Variants in SLC8A2 observed in about 807,000 individuals in gnomAD.
The protein encoded by SLC8A2 is solute carrier family 8 member A2, also known as sodium/calcium exchanger 2.
A neutral mutation model predicts 70.2 loss-of-function variants in SLC8A2; 14 were observed. That is an observed-to-expected ratio of 0.20 (90% confidence interval 0.13 to 0.31). The LOEUF (loss-of-function observed/expected upper bound fraction) is 0.31. Ranked by LOEUF, SLC8A2 falls within the 10% of genes least tolerant of loss-of-function variation. The probability of loss-of-function intolerance (pLI) is 1.00; values close to 1 mark genes in which losing one functional copy is unlikely to be tolerated. For missense variants in SLC8A2, 779 were observed against 1,320.1 expected (o/e 0.59, Z 6.35); for synonymous variants, 575 against 594.3 (o/e 0.97, Z 0.47).
At chr19:47,438,100 C>A in intron 6 of SLC8A2, 127 bp from the exon 7 acceptor site, 3 of 1,156,974 alleles carry the variant, frequency 2.6e-6, no homozygotes, top group Admixed American at 4.4e-5. Flanking sequence ...TCCTTGGTGA[C>A]TCCTCCCAGC....
At chr19:47,459,717 GTGTGTACGTC>G (rs1568446825) in intron 2 of SLC8A2, among the ~76,000 whole-genome samples, 1 of 148,318 alleles carries the variant, frequency 6.7e-6, no homozygotes, top group Non-Finnish European at 1.5e-5. Context: ...GTGCGCGCAT[GTGTGTACGTC>G]TGTGTGTGTA....
chr19:47,463,257 C>T (rs566821399), intron 2 of SLC8A2, among the ~76,000 whole-genome samples: 2 of 151,620 alleles, frequency 1.3e-5, no homozygotes, highest in African/African-American at 4.8e-5. Flanking sequence ...CTCAGCCTCC[C>T]GAGTAGCTGG....
rs149954537 is a variant in SLC8A2 at position 47,438,582 on chromosome 19, T to C, written c.1886-609A>G. 2.6e-4 allele frequency among the ~76,000 whole-genome samples: 40 copies of C among 152,018 alleles called. No individual in the cohort carries two copies. In the East Asian group the frequency reaches 7.8e-3, roughly 30 times the overall value. On this transcript the variant is annotated intron_variant, in intron 6 of 9. Coordinates refer to ENST00000236877, the MANE Select transcript of SLC8A2 (RefSeq NM_015063.3). ...CCTGAGCTCGCTTCTCTCCCCAAAG[T>C]ATGCTGACCCCTGACTCCAAGCCCA...
intron 4 of SLC8A2, among the ~76,000 whole-genome samples, chr19:47,442,864 G>A (rs1055815820): frequency 1.3e-5 from 2 of 151,888 alleles, no homozygotes; most frequent in African/African-American, 2.4e-5. Context: ...TTTATTTTTT[G>A]TAGAGATGGG....
At chr19:47,434,530 G>A (rs1967002234) in intron 8 of SLC8A2, among the ~76,000 whole-genome samples, 1 of 152,184 alleles carries the variant, frequency 6.6e-6, no homozygotes, top group Non-Finnish European at 1.5e-5. Flanking sequence ...GTTGGTTCAT[G>A]TAAAGTGCTG....
intron 9 of SLC8A2, among the ~76,000 whole-genome samples, chr19:47,431,657 CAAAA>C (rs774813485): frequency 4.2e-5 from 2 of 47,280 alleles, no homozygotes; most frequent in Non-Finnish European, 6.3e-5. Context: ...GTCCCCACAC[CAAAA>C]AAAAAAAAAA....
chr19:47,459,905 C>G (rs968218840), intron 2 of SLC8A2, among the ~76,000 whole-genome samples: 1 of 152,086 alleles, frequency 6.6e-6, no homozygotes, highest in Admixed American at 6.5e-5. Context: ...GCCAGGAACC[C>G]GGACATCCTC....
At chr19:47,462,814 A>G (rs1162671996) in intron 2 of SLC8A2, among the ~76,000 whole-genome samples, 1 of 150,806 alleles carries the variant, frequency 6.6e-6, no homozygotes, top group Non-Finnish European at 1.5e-5. Flanking sequence ...TTTCGAACTC[A>G]TGACCTCAGG....
chr19:47,469,119 CGTGTGTGTGTGTGT>C (rs10670696), intron 1 of SLC8A2, among the ~76,000 whole-genome samples: 2 of 143,162 alleles, frequency 1.4e-5, no homozygotes, highest in Admixed American at 7.0e-5. Context: ...TGCCTGTGTG[CGTGTGTGTGTGTGT>C]GTGTGTGTGT....
chr19:47,461,368 G>A (rs1347244720), intron 2 of SLC8A2, among the ~76,000 whole-genome samples: 1 of 151,940 alleles, frequency 6.6e-6, no homozygotes, highest in African/African-American at 2.4e-5. Flanking sequence ...AATCAGCCAG[G>A]TGTGGTGGCG....
chr19:47,456,612 G>C (rs1199191839), intron 3 of SLC8A2, among the ~76,000 whole-genome samples: 10 of 152,242 alleles, frequency 6.6e-5, no homozygotes. Context: ...GTTGCAGTGA[G>C]CGGAGATCTT....
intron 4 of SLC8A2, among the ~76,000 whole-genome samples, chr19:47,441,867 G>A (rs1967103779): frequency 6.6e-6 from 1 of 152,222 alleles, no homozygotes; most frequent in Non-Finnish European, 1.5e-5. Flanking sequence ...ACTTTGGGAG[G>A]CCGAGGCGGG....
At chr19:47,450,422 C>G (rs908385610) in intron 3 of SLC8A2, among the ~76,000 whole-genome samples, 1 of 152,018 alleles carries the variant, frequency 6.6e-6, no homozygotes, top group Non-Finnish European at 1.5e-5. Context: ...ACTCTGGAGG[C>G]TGAGGCATGA....
intron 2 of SLC8A2, among the ~76,000 whole-genome samples, chr19:47,457,944 C>T (rs1158606540): frequency 6.6e-6 from 1 of 151,546 alleles, no homozygotes; most frequent in African/African-American, 2.4e-5. Context: ...TCCCGGGTCC[C>T]GGTTCAAGCA....
At position 47,432,441 on chromosome 19, in the gene SLC8A2, G is replaced by A. The variant is rs749093754; in HGVS notation, c.2115C>T (p.Asp705=). 3.5e-5 allele frequency: 56 copies of A among 1,589,126 alleles called. No individual in the cohort carries two copies. Among genetic ancestry groups the A allele is most frequent in the Admixed American group, 5.1e-5 (3 of 58,776 alleles). ...GGGACCCGTCCTCCTCCTCCTCCTC[G>A]TCCCCTGTGGGCACACGACCCAGCT... is the stretch of plus-strand genomic sequence containing the variant. ...FLEAITVSAG[D]EEEEEDGSRE... is the part of the protein sequence containing the mutation. Residue 705 remains aspartate (D), a synonymous_variant, in exon 9 of 10, where the codon GAC becomes GAT. Coordinates refer to ENST00000236877, the MANE Select transcript of SLC8A2 (RefSeq NM_015063.3). This position sits in a 1 kb window ranked among gnomAD's most constrained non-coding sequence, Gnocchi z 6.2.
At chr19:47,460,227 C>A (rs1967377018) in intron 2 of SLC8A2, among the ~76,000 whole-genome samples, 1 of 152,194 alleles carries the variant, frequency 6.6e-6, no homozygotes, top group African/African-American at 2.4e-5. Flanking sequence ...CTCATAAAAC[C>A]AGTTCCCATG....
chr19:47,432,989 G>A lies in SLC8A2; in HGVS notation c.2111-544C>T, dbSNP rs1398101926. The stretch of plus-strand genomic sequence containing the variant: ...AAGCTAGGAGCATGAATGGACCCAG[G>A]TGAAAAATATTTAGTTTCCCGGAAC... On this transcript the variant is annotated intron_variant, in intron 8 of 9. Coordinates refer to ENST00000236877, the MANE Select transcript of SLC8A2 (RefSeq NM_015063.3). This position sits in a 1 kb window ranked among gnomAD's most constrained non-coding sequence, Gnocchi z 6.2. Among the ~76,000 whole-genome samples the A allele has an allele frequency of 4.0e-5, 6 of 151,842 alleles. No individual in the cohort carries two copies. The highest frequency in any genetic ancestry group is 8.8e-5 in the Non-Finnish European group (6 of 67,990).
At chr19:47,459,549 A>G (rs1471918679) in intron 2 of SLC8A2, among the ~76,000 whole-genome samples, 2 of 148,126 alleles carry the variant, frequency 1.4e-5, no homozygotes, top group African/African-American at 5.0e-5. Context: ...CGCATGTGTG[A>G]GCGTATGTGC....
chr19:47,440,135 C>T (rs1967083585), intron 6 of SLC8A2, among the ~76,000 whole-genome samples: 1 of 152,148 alleles, frequency 6.6e-6, no homozygotes, highest in South Asian at 2.1e-4. Context: ...AAGCCACTGA[C>T]CTTAGCCCTA....
Sources: gnomAD v4.1 joint callset for allele counts (sites outside exome capture counted in the v4.1 genomes callset) on GRCh38, gnomAD v4.1.1 for gene constraint, Gnocchi (gnomAD v3.1) non-coding constraint, MANE v1.5 for transcripts, NCBI Gene and HGNC (gene_info 2026-07-23, HGNC 2026-07-21) for gene names.